The following INPP4B variants were observed in gnomAD, a reference collection of about 807,000 sequenced individuals.
INPP4B encodes the protein inositol polyphosphate 4-phosphatase type II.
A neutral mutation model predicts 122.5 loss-of-function variants in INPP4B; 55 were observed. The ratio of observed to expected loss-of-function variants is 0.45; its 90% confidence interval spans 0.36 to 0.56. The LOEUF is 0.56. INPP4B is among the 20% of genes least tolerant of loss of function. The pLI is 0.00. For missense variants in INPP4B, 1,000 were observed against 1,097.7 expected, an observed-to-expected ratio of 0.91 and a Z score of 1.26; for synonymous variants, 403 against 388.7, an observed-to-expected ratio of 1.04 and a Z score of -0.43.
At chr4:142,147,179 C>T (rs1293945017) in intron 17 of INPP4B, among the ~76,000 whole-genome samples, 1 of 152,088 alleles carries the variant, frequency 6.6e-6, no homozygotes, top group Non-Finnish European at 1.5e-5. Flanking sequence ...ATCCCAGGAA[C>T]CTGGAGTACC....
chr4:142,440,558 C>T (rs1811475928), intron 3 of INPP4B, among the ~76,000 whole-genome samples: 1 of 152,060 alleles, frequency 6.6e-6, no homozygotes, highest in African/African-American at 2.4e-5. Context: ...AATATAATGG[C>T]TTATATGTAA....
intron 25 of INPP4B, among the ~76,000 whole-genome samples, chr4:142,072,082 C>G (rs370325255): frequency 2.0e-5 from 3 of 152,114 alleles, no homozygotes; most frequent in Non-Finnish European, 4.4e-5. Context: ...GACTTGGAAC[C>G]AACCCAAAAG....
At chr4:142,173,587 T>G (rs1160510693) in intron 16 of INPP4B, 45 bp downstream of exon 16, 2 of 1,519,212 alleles carry the variant, frequency 1.3e-6, no homozygotes, top group South Asian at 2.3e-5. Context: ...CAATGGGAAT[T>G]TGAGTATTTC....
At chr4:142,684,298 A>C (rs1759043139) in intron 2 of INPP4B, among the ~76,000 whole-genome samples, 2 of 152,070 alleles carry the variant, frequency 1.3e-5, no homozygotes, top group Admixed American at 6.6e-5. Context: ...GGCCTTACCG[A>C]ATAGCGCTCC....
intron 1 of INPP4B, among the ~76,000 whole-genome samples, chr4:142,755,930 C>T (rs1011319158): frequency 5.3e-5 from 8 of 152,018 alleles, no homozygotes; most frequent in Non-Finnish European, 1.2e-4. Context: ...CACAGAATCT[C>T]GATTTTGTTT....
At chr4:142,715,948 C>T (rs1383892379) in intron 2 of INPP4B, among the ~76,000 whole-genome samples, 1 of 152,190 alleles carries the variant, frequency 6.6e-6, no homozygotes, top group Non-Finnish European at 1.5e-5. Context: ...TCAGCTGGAA[C>T]ACCTTACAAA....
At chr4:142,286,068 T>A (rs1033783154) in intron 9 of INPP4B, among the ~76,000 whole-genome samples, 1 of 152,074 alleles carries the variant, frequency 6.6e-6, no homozygotes, top group Non-Finnish European at 1.5e-5. Flanking sequence ...CCTACAGGAC[T>A]TTTTTTGTTA....
chr4:142,273,485 G>A (rs1746904005), intron 9 of INPP4B, among the ~76,000 whole-genome samples: 1 of 151,772 alleles, frequency 6.6e-6, no homozygotes, highest in African/African-American at 2.4e-5. Context: ...TAGAAGTGCA[G>A]AGAACACAAA....
At chr4:142,732,356 T>A (rs1166207381) in intron 1 of INPP4B, among the ~76,000 whole-genome samples, 1 of 151,954 alleles carries the variant, frequency 6.6e-6, no homozygotes, top group Non-Finnish European at 1.5e-5. Flanking sequence ...AAAATAAAAA[T>A]TCCAATTTTA....
intron 25 of INPP4B, among the ~76,000 whole-genome samples, chr4:142,038,178 G>C (rs1241611517): frequency 6.6e-6 from 1 of 152,042 alleles, no homozygotes; most frequent in East Asian, 1.9e-4. Flanking sequence ...TCGAGTTTCA[G>C]GACTTTTCAA....
chr4:142,571,089 CAA>C lies in INPP4B; in HGVS notation c.-190-108365_-190-108364del, dbSNP rs374253787. 6.9e-3 allele frequency among the ~76,000 whole-genome samples: 583 copies of C among 84,218 alleles called. 2 individuals carry two copies. Among genetic ancestry groups the C allele is most frequent in the Non-Finnish European group, 9.5e-3 (368 of 38,574 alleles). 55.3% of individuals were successfully genotyped at this position (84,218 alleles called of 152,430 possible). ...CCTCACTCAGTCTTTTCATGTTTCT[CAA>C]AAAAAAAAAAAAAAAAAAGAGCATG... is the stretch of plus-strand genomic sequence containing the variant. On this transcript the variant is annotated intron_variant, in intron 2 of 25. Transcript: ENST00000262992.
chr4:142,659,326 A>G (rs2150577223), intron 2 of INPP4B, among the ~76,000 whole-genome samples: 1 of 152,052 alleles, frequency 6.6e-6, no homozygotes, highest in Non-Finnish European at 1.5e-5. Context: ...GAATGGCGTG[A>G]ACCCGGGAGG....
intron 2 of INPP4B, among the ~76,000 whole-genome samples, chr4:142,580,873 G>A (rs1433414841): frequency 1.3e-5 from 2 of 151,972 alleles, no homozygotes; most frequent in Non-Finnish European, 2.9e-5. Flanking sequence ...TAACTCAACA[G>A]GCTTGATACA....
intron 1 of INPP4B, among the ~76,000 whole-genome samples, chr4:142,775,638 C>T (rs1004976889): frequency 6.6e-6 from 1 of 151,378 alleles, no homozygotes; most frequent in African/African-American, 2.4e-5. Flanking sequence ...GACTCTCAAA[C>T]TGCTGGGATT....
intron 1 of INPP4B, among the ~76,000 whole-genome samples, chr4:142,823,269 CAT>C (rs1554016185): frequency 6.6e-6 from 1 of 152,126 alleles, no homozygotes; most frequent in Non-Finnish European, 1.5e-5. Context: ...TTTGTAGTAG[CAT>C]AATATAGTAA....
chr4:142,105,463 CAGAATTAGAAGACATTTTGGGA>C (rs1786552867), intron 23 of INPP4B, among the ~76,000 whole-genome samples: 1 of 152,018 alleles, frequency 6.6e-6, no homozygotes, highest in Non-Finnish European at 1.5e-5. Context: ...ACAAATATAA[CAGAATTAGAAGACATTTTGGGA>C]AGAATATTTA....
At chr4:142,162,528 A>G (rs572713716) in intron 16 of INPP4B, among the ~76,000 whole-genome samples, 4 of 152,028 alleles carry the variant, frequency 2.6e-5, no homozygotes, top group African/African-American at 9.6e-5. Context: ...CTTTTGATTT[A>G]TTTTTTGAGC....
At chr4:142,405,418 A>G (rs1294569366) in intron 5 of INPP4B, 94 bp from the exon 6 acceptor site, 1 of 742,362 alleles carries the variant, frequency 1.3e-6, no homozygotes, top group Non-Finnish European at 2.4e-6. Context: ...TAGCTACAGC[A>G]CTGAAGGAAA....
At chr4:142,180,084 G>C (rs1347819156) in intron 15 of INPP4B, among the ~76,000 whole-genome samples, 1 of 152,114 alleles carries the variant, frequency 6.6e-6, no homozygotes, top group Non-Finnish European at 1.5e-5. Flanking sequence ...AAATATAAAA[G>C]TTCCTTTGAC....
Sources: allele counts gnomAD v4.1 joint callset (sites outside exome capture counted in the v4.1 genomes callset), GRCh38; gene constraint gnomAD v4.1.1; transcripts MANE v1.5; gene names NCBI Gene and HGNC (gene_info 2026-07-23, HGNC 2026-07-21).